The following CFAP43 variants were observed in gnomAD, a reference collection of about 807,000 sequenced individuals.
CFAP43 encodes cilia- and flagella-associated protein 43.
A neutral mutation model predicts 218.9 loss-of-function variants in CFAP43; 155 were observed. The ratio of observed to expected loss-of-function variants is 0.71; its 90% confidence interval spans 0.62 to 0.81. The LOEUF (loss-of-function observed/expected upper bound fraction) is 0.81. Among genes scored for constraint, CFAP43 ranks in the 30% least tolerant of loss-of-function variants. The pLI is 0.00. For synonymous variants in CFAP43, 645 were observed against 681.3 expected (o/e 0.95, Z 0.83); for missense variants, 1,778 against 1,954.3 (o/e 0.91, Z 1.70).
chr10:104,207,739 C>A lies in CFAP43; in HGVS notation c.821G>T (p.Gly274Val). The change falls in exon 6 of 38, where the codon GGT becomes GTT. Residue 274 changes from glycine (G) to valine (V), a missense_variant. Gly to Val is a moderately radical substitution (Grantham distance 109). Transcript: ENST00000357060. ...GTCTCCATTAATCATTAAAAGATGA[C>A]CCTCTTCACAGCCAATGTACAAGTC... ...TSDLYIGCEE[G>V]HLLMINGDTL... 6.2e-7 allele frequency: 1 copy of A among 1,614,138 alleles called. No homozygotes were observed. The highest frequency in any genetic ancestry group is 8.5e-7 in the Non-Finnish European group (1 of 1,180,024).
chr10:104,154,745 C>T (rs1352663381), intron 27 of CFAP43, among the ~76,000 whole-genome samples: 1 of 152,186 alleles, frequency 6.6e-6, no homozygotes, highest in Non-Finnish European at 1.5e-5. Flanking sequence ...GGCCCTTTGC[C>T]ATTTCTTCTT....
Position 104,143,582 on chromosome 10 carries a change from T to C in CFAP43, c.4002A>G (p.Leu1334=). The part of the protein sequence containing the change: ...ETTSVVPFGE[L]PGSGKLNKDA... ...CCTTATTCAACTTGCCAGATCCTGG[T>C]AGTTCTCCGAAAGGGACAACGCTGG... The change falls in exon 32 of 38, where the codon CTA becomes CTG. Residue 1334 remains leucine, a synonymous_variant. Coordinates refer to ENST00000357060, the MANE Select transcript of CFAP43 (RefSeq NM_025145.7). 1 of 1,614,232 alleles carries C rather than the reference T, an allele frequency of 6.2e-7. No homozygotes were observed. The highest frequency in any genetic ancestry group is 8.5e-7 in the Non-Finnish European group (1 of 1,180,040).
Position 104,187,887 on chromosome 10 carries a change from T to C in CFAP43, c.1687+383A>G, listed in dbSNP as rs574084040. ...GTCATTAAAACAAGGAAAGAGTATC[T>C]ATTTTCTCATACCTTTTTATCCAGA... On this transcript the variant is annotated intron_variant, in intron 13 of 37. Coordinates refer to ENST00000357060, the MANE Select transcript of CFAP43 (RefSeq NM_025145.7). Among the ~76,000 whole-genome samples, 4 of 152,360 alleles carry C rather than the reference T, an allele frequency of 2.6e-5. No homozygotes were observed. In the East Asian group the frequency reaches 7.7e-4, roughly 29 times the overall value.
At chr10:104,229,603 G>A (rs2091395211) in intron 2 of CFAP43, among the ~76,000 whole-genome samples, 1 of 151,998 alleles carries the variant, frequency 6.6e-6, no homozygotes, top group South Asian at 2.1e-4. Context: ...GGTGGAGGCT[G>A]CAGTGAGCCA....
At chr10:104,177,231 A>G (rs1254583584) in intron 19 of CFAP43, among the ~76,000 whole-genome samples, 2 of 152,134 alleles carry the variant, frequency 1.3e-5, no homozygotes, top group East Asian at 3.8e-4. Flanking sequence ...TGAAGAGAGA[A>G]ACTTAAAAAA....
At chr10:104,215,573 G>T (rs997984779) in intron 3 of CFAP43, among the ~76,000 whole-genome samples, 6 of 152,150 alleles carry the variant, frequency 3.9e-5, no homozygotes, top group African/African-American at 1.2e-4. Context: ...AAAGACTACA[G>T]GACTGTGCAT....
chr10:104,159,287 G>C (rs1191816399), intron 27 of CFAP43, among the ~76,000 whole-genome samples: 2 of 152,006 alleles, frequency 1.3e-5, no homozygotes, highest in Non-Finnish European at 2.9e-5. Flanking sequence ...AAAGGAGTTG[G>C]GTTTTTTCCT....
intron 14 of CFAP43, among the ~76,000 whole-genome samples, chr10:104,186,579 C>T (rs775505224): frequency 5.9e-5 from 9 of 152,152 alleles, no homozygotes; most frequent in South Asian, 2.1e-4. Context: ...CCTATATGAG[C>T]GCTGCCCACC....
intron 16 of CFAP43, among the ~76,000 whole-genome samples, 199 bp from the exon 17 acceptor site, chr10:104,182,712 T>TA (rs2089894229): frequency 2.0e-5 from 3 of 152,168 alleles, no homozygotes; most frequent in African/African-American, 7.2e-5. Flanking sequence ...CTTTTTTTTT[T>TA]AATTTTTATT....
chr10:104,207,204 G>C (rs1589779471), intron 6 of CFAP43, among the ~76,000 whole-genome samples: 1 of 151,852 alleles, frequency 6.6e-6, no homozygotes, highest in Non-Finnish European at 1.5e-5. Context: ...ACCTCTAACC[G>C]AGCAATAGAA....
At chr10:104,214,668 C>T (rs149530464) in intron 3 of CFAP43, among the ~76,000 whole-genome samples, 5 of 152,252 alleles carry the variant, frequency 3.3e-5, no homozygotes, top group African/African-American at 1.2e-4. Context: ...GCTATTTTAT[C>T]TTCTTTAATA....
intron 19 of CFAP43, among the ~76,000 whole-genome samples, chr10:104,175,816 A>G (rs2089609146): frequency 6.6e-6 from 1 of 152,232 alleles, no homozygotes; most frequent in Non-Finnish European, 1.5e-5. Flanking sequence ...AAAAATTATA[A>G]GTTGAACCAC....
At chr10:104,147,787 T>C in intron 29 of CFAP43, 104 bp downstream of exon 29, 1 of 633,024 alleles carries the variant, frequency 1.6e-6, no homozygotes. Context: ...TATGTAGGAA[T>C]GGTGCAAGGA....
intron 15 of CFAP43, 95 bp downstream of exon 15, chr10:104,185,879 G>T: frequency 9.5e-7 from 1 of 1,053,380 alleles, no homozygotes; most frequent in Non-Finnish European, 1.3e-6. Flanking sequence ...GAGTTTTTAT[G>T]CATATATAAG....
intron 16 of CFAP43, among the ~76,000 whole-genome samples, chr10:104,183,606 G>T (rs1184365518): frequency 6.6e-6 from 1 of 151,884 alleles, no homozygotes; most frequent in East Asian, 1.9e-4. Flanking sequence ...AGCCAGGATG[G>T]TCTCGATCTC....
chr10:104,131,620 TGGC>T, intron 36 of CFAP43, 136 bp from the exon 37 acceptor site: 5 of 1,012,696 alleles, frequency 4.9e-6, no homozygotes, highest in Non-Finnish European at 6.9e-6. Flanking sequence ...CTGTAGTGCC[TGGC>T]ATAGTAGGCA....
At chr10:104,188,887 A>G (rs658966) in intron 12 of CFAP43, among the ~76,000 whole-genome samples, 151,481 of 152,314 alleles carry the variant, frequency 0.99, 75,328 homozygotes, top group Middle Eastern at 1. Context: ...TCTAACCTCT[A>G]CAAGGTGTGC....
chr10:104,143,512 T>G lies in CFAP43; in HGVS notation c.4072A>C (p.Ile1358Leu), dbSNP rs1202330035. 4 of 1,614,088 alleles carry G rather than the reference T, an allele frequency of 2.5e-6. No individual in the cohort carries two copies. The highest frequency in any genetic ancestry group is 3.4e-6 in the Non-Finnish European group (4 of 1,180,030). Residue 1358 changes from isoleucine to leucine, a missense_variant, in exon 32 of 38, where the codon ATT becomes CTT. Physicochemically the swap from Ile to Leu is conservative, Grantham distance 5 (BLOSUM62 2). Around this residue, in one of 3 missense-constraint regions of CFAP43, gnomAD observed 1,553 missense variants for 1,685.2 expected, o/e 0.92. Transcript: ENST00000357060. ...LMKAMDELDN[I>L]SNMPEGLDPL... ...TCCAAGCCTTCTGGCATGTTACTAATATTGTCCAACTCATCCATAGCTTTC... is the reference window on the plus strand; with the variant it reads ...TCCAAGCCTTCTGGCATGTTACTAAGATTGTCCAACTCATCCATAGCTTTC...
At chr10:104,184,945 TTAAA>T (rs2089982366) in intron 16 of CFAP43, 67 bp downstream of exon 16, 12 of 1,561,840 alleles carry the variant, frequency 7.7e-6, no homozygotes, top group South Asian at 1.2e-5. Context: ...CTTGCTGTAC[TTAAA>T]TAATAATAAA....
Sources: gnomAD v4.1 joint callset for allele counts (sites outside exome capture counted in the v4.1 genomes callset) on GRCh38, gnomAD v4.1.1 for gene constraint, gnomAD v4.1.1 regional missense constraint, MANE v1.5 for transcripts, NCBI Gene and HGNC (gene_info 2026-07-23, HGNC 2026-07-21) for gene names.